Variants in SNAP91 observed in about 807,000 individuals in gnomAD.
The protein encoded by SNAP91 is clathrin coat assembly protein AP180.
Under a neutral mutation model 100.3 loss-of-function variants are expected in SNAP91, and 27 were observed. The observed-to-expected ratio is 0.27, with a 90% CI of 0.20 to 0.37. SNAP91 has a LOEUF of 0.37. Ranked by LOEUF, SNAP91 falls within the 10% of genes least tolerant of loss-of-function variation. The pLI is 1.00. For missense variants in SNAP91, 986 were observed against 1,123.7 expected (o/e 0.88, Z 1.75); for synonymous variants, 404 against 398.6 (o/e 1.01, Z -0.16).
At chr6:83,593,155 G>GA (rs754003599) in intron 19 of SNAP91, 27 bp downstream of exon 19, 57 of 1,550,370 alleles carry the variant, frequency 3.7e-5, no homozygotes, top group South Asian at 2.1e-4. Flanking sequence ...AAACTAAAGT[G>GA]AAAAAAAAGG....
At chr6:83,581,319 G>T (rs1413804345) in intron 23 of SNAP91, among the ~76,000 whole-genome samples, 36 of 151,958 alleles carry the variant, frequency 2.4e-4, no homozygotes, top group Admixed American at 2.4e-3. Flanking sequence ...ATCATTTCTG[G>T]TTGTAACTCT....
At chr6:83,695,684 A>G (rs951420900) in intron 2 of SNAP91, among the ~76,000 whole-genome samples, 6 of 152,020 alleles carry the variant, frequency 3.9e-5, no homozygotes, top group African/African-American at 1.2e-4. Flanking sequence ...GCTTCATACT[A>G]TTTTTCCACC....
chr6:83,563,567 A>G (rs1241286507), intron 26 of SNAP91, among the ~76,000 whole-genome samples: 2 of 152,176 alleles, frequency 1.3e-5, no homozygotes, highest in Non-Finnish European at 2.9e-5. Flanking sequence ...AACTATCTCT[A>G]TTCATCGATG....
chr6:83,642,876 G>A (rs753709015), intron 7 of SNAP91, among the ~76,000 whole-genome samples: 1 of 152,136 alleles, frequency 6.6e-6, no homozygotes, highest in African/African-American at 2.4e-5. Context: ...TTTAACGATC[G>A]CCATTCTAAC....
chr6:83,602,876 T>C (rs895409982), intron 14 of SNAP91, among the ~76,000 whole-genome samples: 5 of 152,080 alleles, frequency 3.3e-5, no homozygotes, highest in African/African-American at 1.2e-4. Context: ...TTAGGACAAA[T>C]GCATAATGCA....
intron 26 of SNAP91, among the ~76,000 whole-genome samples, chr6:83,570,397 C>T (rs1173115022): frequency 1.3e-5 from 2 of 152,058 alleles, no homozygotes; most frequent in Non-Finnish European, 2.9e-5. Context: ...AAAGAAAATC[C>T]CATTTTCTGA....
chr6:83,695,290 A>T (rs2099188537), intron 2 of SNAP91, among the ~76,000 whole-genome samples: 2 of 150,214 alleles, frequency 1.3e-5, no homozygotes, highest in South Asian at 4.2e-4. Flanking sequence ...AAAAAAAAAA[A>T]AAAAAAAAAA....
intron 25 of SNAP91, 81 bp from the exon 26 acceptor site, chr6:83,575,202 T>C: frequency 1.0e-6 from 1 of 957,372 alleles, no homozygotes; most frequent in South Asian, 1.4e-5. Context: ...CTTAGATTAT[T>C]TTATTTGGGT....
intron 2 of SNAP91, among the ~76,000 whole-genome samples, chr6:83,704,658 A>AT (rs1351204111): frequency 6.6e-6 from 1 of 151,986 alleles, no homozygotes; most frequent in East Asian, 1.9e-4. Flanking sequence ...TACATATTTC[A>AT]TAAGGATTTT....
chr6:83,578,293 CTTCT>C (rs1822614406), intron 24 of SNAP91, among the ~76,000 whole-genome samples: 1 of 152,096 alleles, frequency 6.6e-6, no homozygotes. Context: ...AACTATCAGA[CTTCT>C]TTCTATAGCA....
In SNAP91 at chr6:83,553,989, T is replaced by C. The variant is rs1024664017; in HGVS notation, c.*307A>G. 1.3e-5 allele frequency: 2 copies of C among 153,018 alleles called. No homozygotes were observed. The highest frequency in any genetic ancestry group is 3.8e-4 in the East Asian group (2 of 5,196). The allele number at this position is 153,018 out of a possible 1,614,324, so 9.5% of individuals were successfully genotyped here. A position where few individuals can be genotyped will look rare whatever the true frequency, so the allele number is the denominator to read the frequency against. On this transcript the variant is annotated 3_prime_UTR_variant, in exon 30 of 30. Transcript: ENST00000369694. Reference sequence around the variant, plus strand: ...AATAGCTCGCCACACAACAGCTGCATCATCTGTCCTCAGGTGAAGTCCAAA... The same window carrying C: ...AATAGCTCGCCACACAACAGCTGCACCATCTGTCCTCAGGTGAAGTCCAAA...
chr6:83,686,516 T>C (rs1587557400), intron 2 of SNAP91, among the ~76,000 whole-genome samples: 1 of 152,216 alleles, frequency 6.6e-6, no homozygotes. Context: ...AGGTCTTTGG[T>C]GACTAATTCA....
In SNAP91 at chr6:83,594,387, T is replaced by C; in HGVS notation, c.1419A>G (p.Ala473=). The change falls in exon 17 of 30, where the codon GCA becomes GCG. Residue 473 remains alanine (A), a synonymous_variant. Coordinates refer to ENST00000369694, the MANE Select transcript of SNAP91 (RefSeq NM_001242792.2). ...CTTTAAACCCACCATTTCCTGAACA[T>C]GCATCAAGTGCTGCTGCTACAGGGG... The part of the protein sequence containing the change: ...TPTPVAAALD[A]CSGNDPFAPS... 2 of 1,552,986 alleles carry C rather than the reference T, an allele frequency of 1.3e-6. No homozygotes were observed. Among genetic ancestry groups the C allele is most frequent in the Middle Eastern group, 1.7e-4 (1 of 5,972 alleles).
In SNAP91 at chr6:83,594,446, C is replaced by A; in HGVS notation, c.1360G>T (p.Ala454Ser). The A allele has an allele frequency of 6.5e-7, 1 of 1,543,586 alleles. No homozygotes were observed. The highest frequency in any genetic ancestry group is 1.2e-5 in the South Asian group (1 of 82,276). ...FAASPGEAPA[A>S]SEGAAAPATP... ...GCTGGTGCGGCGGCCCCTTCGGATGCTGCAGGGGCCTCCCCAGGAGAAGCT... is the reference window on the plus strand; with the variant it reads ...GCTGGTGCGGCGGCCCCTTCGGATGATGCAGGGGCCTCCCCAGGAGAAGCT... The change falls in exon 17 of 30, where the codon GCA (alanine) becomes TCA (serine). Residue 454 changes from alanine (A) to serine (S), a missense_variant. Ala to Ser is a moderately conservative substitution (Grantham distance 99). Around this residue, in one of 4 missense-constraint regions of SNAP91, gnomAD observed 575 missense variants for 579.9 expected, o/e 0.99. Coordinates refer to ENST00000369694, the MANE Select transcript of SNAP91 (RefSeq NM_001242792.2).
At chr6:83,659,624 G>A (rs1000745287) in intron 5 of SNAP91, among the ~76,000 whole-genome samples, 1 of 151,814 alleles carries the variant, frequency 6.6e-6, no homozygotes, top group African/African-American at 2.4e-5. Flanking sequence ...AGGGATGGGA[G>A]TCTCACTATG....
At chr6:83,570,552 G>T (rs949390805) in intron 26 of SNAP91, among the ~76,000 whole-genome samples, 1 of 135,374 alleles carries the variant, frequency 7.4e-6, no homozygotes, top group African/African-American at 3.0e-5. Flanking sequence ...GGTTTACGGG[G>T]TGGCGGGGGG....
intron 21 of SNAP91, among the ~76,000 whole-genome samples, 193 bp from the exon 22 acceptor site, chr6:83,591,487 A>C (rs2093739848): frequency 6.6e-6 from 1 of 152,290 alleles, no homozygotes; most frequent in African/African-American, 2.4e-5. Flanking sequence ...AGAGTTCTAA[A>C]ATATTAACAA....
At chr6:83,558,955 C>G (rs115424326) in intron 28 of SNAP91, among the ~76,000 whole-genome samples, 86 of 152,330 alleles carry the variant, frequency 5.6e-4, no homozygotes, top group African/African-American at 2.0e-3. Flanking sequence ...AACGGTTCAA[C>G]AAAGTGTAAC....
At chr6:83,581,667 A>T (rs1828718222) in intron 23 of SNAP91, among the ~76,000 whole-genome samples, 1 of 152,238 alleles carries the variant, frequency 6.6e-6, no homozygotes, top group Non-Finnish European at 1.5e-5. Context: ...TTTCTGAAAC[A>T]CATTTAATTG....
Sources: gnomAD v4.1 joint callset for allele counts (sites outside exome capture counted in the v4.1 genomes callset) on GRCh38, gnomAD v4.1.1 for gene constraint, gnomAD v4.1.1 regional missense constraint, MANE v1.5 for transcripts, NCBI Gene and HGNC (gene_info 2026-07-23, HGNC 2026-07-21) for gene names.